The following LCA5L variants were observed in gnomAD, a reference collection of about 807,000 sequenced individuals.
LCA5L encodes lebercilin LCA5 like, also known as lebercilin-like protein.
LCA5L carries 35 observed loss-of-function variants against 45.4 expected under a neutral mutation model. The ratio of observed to expected loss-of-function variants is 0.77; its 90% confidence interval spans 0.59 to 1.02. The LOEUF (loss-of-function observed/expected upper bound fraction) is 1.02. Among genes scored for constraint, LCA5L ranks in the 50% least tolerant of loss-of-function variants. The pLI, the probability that LCA5L is intolerant of heterozygous loss-of-function variation, is 0.00. For synonymous variants in LCA5L, 233 were observed against 264.7 expected (o/e 0.88, Z 1.16); for missense variants, 668 against 761.6 (o/e 0.88, Z 1.45).
At chr21:39,430,589 A>C (rs2075602952) in intron 3 of LCA5L, among the ~76,000 whole-genome samples, 1 of 152,062 alleles carries the variant, frequency 6.6e-6, no homozygotes. Context: ...GAAAGAAAAG[A>C]AGCTTATCTG....
At chr21:39,424,588 T>C (rs1469129436) in intron 5 of LCA5L, among the ~76,000 whole-genome samples, 1 of 152,244 alleles carries the variant, frequency 6.6e-6, no homozygotes, top group Non-Finnish European at 1.5e-5. Flanking sequence ...TGTAATCCTT[T>C]CAACAATATG....
chr21:39,423,562 C>T, intron 5 of LCA5L, 72 bp from the exon 6 acceptor site: 1 of 1,319,480 alleles, frequency 7.6e-7, no homozygotes, highest in South Asian at 1.5e-5. Flanking sequence ...TATGCATAAT[C>T]TCTCTCCCAT....
intron 7 of LCA5L, among the ~76,000 whole-genome samples, chr21:39,412,029 C>A (rs574509373): frequency 1.3e-5 from 2 of 152,262 alleles, no homozygotes; most frequent in Admixed American, 6.5e-5. Context: ...TTTTGAAGAG[C>A]CTTGCAGGTC....
chr21:39,438,797 T>C (rs1344871747), intron 2 of LCA5L: 1 of 152,244 alleles, frequency 6.6e-6, no homozygotes, highest in East Asian at 1.9e-4. Context: ...TGATAATGCA[T>C]ATTATAAAAA....
chr21:39,424,406 A>C (rs1372879931), intron 5 of LCA5L, among the ~76,000 whole-genome samples: 2 of 152,176 alleles, frequency 1.3e-5, no homozygotes, highest in South Asian at 2.1e-4. Flanking sequence ...CCTTGAGCCC[A>C]GGAGTTTGAG....
At chr21:39,420,951 AT>A in intron 6 of LCA5L, 108 bp from the exon 7 acceptor site, 1 of 797,468 alleles carries the variant, frequency 1.3e-6, no homozygotes, top group Non-Finnish European at 2.0e-6. Context: ...TTTCAATACA[AT>A]TTTAGTGAAT....
At chr21:39,440,448 G>A (rs1308963988) in intron 2 of LCA5L, among the ~76,000 whole-genome samples, 2 of 152,000 alleles carry the variant, frequency 1.3e-5, no homozygotes, top group Non-Finnish European at 2.9e-5. Flanking sequence ...CACACCTATG[G>A]TCCCAGCTAC....
intron 7 of LCA5L, among the ~76,000 whole-genome samples, chr21:39,416,661 ATT>A: frequency 6.7e-6 from 1 of 149,662 alleles, no homozygotes; most frequent in African/African-American, 2.4e-5. Flanking sequence ...TTACTTCTGT[ATT>A]TTTTTTTTGT....
chr21:39,414,742 C>CTGTGTGTGTG lies in LCA5L; in HGVS notation c.976-2950_976-2941dup, dbSNP rs66478742. 7.5e-3 allele frequency among the ~76,000 whole-genome samples: 743 copies of CTGTGTGTGTG among 99,208 alleles called. 14 individuals carry two copies. The highest frequency in any genetic ancestry group is 0.027 in the African/African-American group (611 of 22,722). 65.1% of individuals were successfully genotyped at this position (99,208 alleles called of 152,430 possible). On this transcript the variant is annotated intron_variant, in intron 7 of 10. Coordinates refer to ENST00000288350, the MANE Select transcript of LCA5L (RefSeq NM_152505.4). ...TCTCTCTCTCTCTCTCTCTCTCTCTCTGTGTGTGTGTGTGTGTGTGTGTGT... is the reference window on the plus strand; with the variant it reads ...TCTCTCTCTCTCTCTCTCTCTCTCTCTGTGTGTGTGTGTGTGTGTGTGTGTGTGTGTGTGT...
intron 5 of LCA5L, among the ~76,000 whole-genome samples, chr21:39,424,137 CG>C (rs2074234939): frequency 6.6e-6 from 1 of 152,018 alleles, no homozygotes; most frequent in Non-Finnish European, 1.5e-5. Context: ...CTCAGCCTCC[CG>C]AGTAGCTGGG....
intron 2 of LCA5L, among the ~76,000 whole-genome samples, chr21:39,438,344 G>A (rs752173073): frequency 6.6e-6 from 1 of 152,090 alleles, no homozygotes; most frequent in Admixed American, 6.5e-5. Flanking sequence ...ATGACGGTTA[G>A]ATGGGTTCAA....
At chr21:39,410,504 A>T (rs2039901060) in intron 8 of LCA5L, 137 bp from the exon 9 acceptor site, 1 of 542,752 alleles carries the variant, frequency 1.8e-6, no homozygotes, top group Non-Finnish European at 3.2e-6. Context: ...TATATATATA[A>T]GCATTTGTTA....
chr21:39,428,375 C>T lies in LCA5L; in HGVS notation c.119G>A (p.Arg40Gln), dbSNP rs140283166. 153 of 1,613,330 alleles carry T rather than the reference C, an allele frequency of 9.5e-5. No individual in the cohort carries two copies. The African/African-American group carries it at 1.7e-3, about 17-fold the overall frequency. Residue 40 changes from arginine (R) to glutamine (Q), a missense_variant, in exon 5 of 11, where the codon CGG becomes CAG. Physicochemically the swap from Arg to Gln is conservative, Grantham distance 43 (BLOSUM62 1). Transcript: ENST00000288350. ...KRSPGTGDFS[R>Q]NSNASNKSVD... ...ACTCTTATTGGAAGCATTACTGTTCCGTGAAAAATCGCCTGTGCCTGGGCT... is the reference window on the plus strand; with the variant it reads ...ACTCTTATTGGAAGCATTACTGTTCTGTGAAAAATCGCCTGTGCCTGGGCT...
intron 5 of LCA5L, among the ~76,000 whole-genome samples, chr21:39,425,323 C>A (rs934481932): frequency 1.3e-5 from 2 of 152,114 alleles, no homozygotes; most frequent in Non-Finnish European, 1.5e-5. Context: ...AAACAATGAA[C>A]CAAGAGAGCC....
At chr21:39,435,068 G>A (rs1249422531) in intron 3 of LCA5L, among the ~76,000 whole-genome samples, 1 of 152,096 alleles carries the variant, frequency 6.6e-6, no homozygotes, top group African/African-American at 2.4e-5. Flanking sequence ...TGCACATGAA[G>A]CATAATTTTA....
At chr21:39,421,977 C>T (rs2073843839) in intron 6 of LCA5L, 1 of 152,102 alleles carries the variant, frequency 6.6e-6, no homozygotes, top group Admixed American at 6.5e-5. Context: ...TTTTACATGA[C>T]AGACATACGC....
intron 3 of LCA5L, among the ~76,000 whole-genome samples, chr21:39,431,671 C>T (rs1365868012): frequency 3.3e-5 from 5 of 152,088 alleles, no homozygotes; most frequent in Admixed American, 2.6e-4. Context: ...GTACGTGCCA[C>T]CAAGCCCAGC....
intron 3 of LCA5L, among the ~76,000 whole-genome samples, chr21:39,429,677 C>T (rs2837031): frequency 0.23 from 35,058 of 151,974 alleles, 4,551 homozygotes; most frequent in African/African-American, 0.35. Context: ...TGCTGTGTAG[C>T]GGTGGGCAGA....
At chr21:39,420,943 T>C (rs2042194684) in intron 6 of LCA5L, 100 bp from the exon 7 acceptor site, 2 of 893,310 alleles carry the variant, frequency 2.2e-6, no homozygotes, top group African/African-American at 3.3e-5. Context: ...GTGCACATTT[T>C]CAATACAATT....
Sources: gnomAD v4.1 joint callset for allele counts (sites outside exome capture counted in the v4.1 genomes callset) on GRCh38, gnomAD v4.1.1 for gene constraint, MANE v1.5 for transcripts, NCBI Gene and HGNC (gene_info 2026-07-23, HGNC 2026-07-21) for gene names.